The following IHO1 variants were observed in gnomAD, a reference collection of about 807,000 sequenced individuals.
The protein encoded by IHO1 is interactor of HORMAD1 protein 1.
In IHO1, 13 loss-of-function variants were observed where a neutral mutation model predicts 31.0. The ratio of observed to expected loss-of-function variants is 0.42; its 90% CI spans 0.27 to 0.67. The LOEUF (loss-of-function observed/expected upper bound fraction) is 0.67, where lower values mean the gene tolerates loss of function less well. IHO1 is among the 30% of genes least tolerant of loss of function. The probability of loss-of-function intolerance (pLI) is 0.24; values close to 1 mark genes in which losing one functional copy is unlikely to be tolerated. For missense variants in IHO1, 599 were observed against 687.5 expected (o/e 0.87, Z 1.44); for synonymous variants, 221 against 248.4 (o/e 0.89, Z 1.04).
chr3:49,228,311 C>T (rs67286839), intron 2 of IHO1: 40,506 of 447,656 alleles, frequency 0.09, 2,097 homozygotes, highest in Middle Eastern at 0.11. Flanking sequence ...TGGTTCCAGG[C>T]AAACCAATGC....
intron 1 of IHO1, among the ~76,000 whole-genome samples, chr3:49,205,254 C>T (rs1009598121): frequency 6.6e-6 from 1 of 151,864 alleles, no homozygotes; most frequent in East Asian, 1.9e-4. Context: ...ACTGTCATAG[C>T]GCTGGTTGGA....
Position 49,227,583 on chromosome 3 carries a change from G to T in IHO1, c.57-8965G>T, listed in dbSNP as rs1426209763. On this transcript the variant is annotated intron_variant, in intron 2 of 7. Transcript: ENST00000452691. ...CACATTCTCGAAAACCTGCACCCTT[G>T]CCTGTCTTCCTAGATCACAAAGCGG... is the stretch of plus-strand genomic sequence containing the variant. Among the ~76,000 whole-genome samples, 6 of 152,188 alleles carry T rather than the reference G, an allele frequency of 3.9e-5. 1 individual carries two copies. The South Asian group carries it at 1.2e-3, about 32-fold the overall frequency.
chr3:49,234,162 GTTTTTTTTTT>G (rs56802492), intron 2 of IHO1, among the ~76,000 whole-genome samples: 1 of 91,916 alleles, frequency 1.1e-5, no homozygotes, highest in South Asian at 4.3e-4. Flanking sequence ...TTTTGTTGTT[GTTTTTTTTTT>G]TTTTTTTTTT....
rs2046674113 is a variant in IHO1 at position 49,244,714 on chromosome 3, G to A, written c.513G>A (p.Leu171=). 3 of 1,613,974 alleles carry A rather than the reference G, an allele frequency of 1.9e-6. No homozygotes were observed. Among genetic ancestry groups the A allele is most frequent in the Non-Finnish European group, 2.5e-6 (3 of 1,180,012 alleles). ...GAAGCCAATCTATTTTGGATTCTTT[G>A]GAGACTGTGGCCAAGACATGTGAGT... The part of the protein sequence containing the change: ...SSRSQSILDS[L]ETVAKTLQET... The change falls in exon 6 of 8, where the codon TTG becomes TTA. Residue 171 remains leucine, a synonymous_variant. Transcript: ENST00000452691.
At chr3:49,227,785 A>C (rs1172911810) in intron 2 of IHO1, among the ~76,000 whole-genome samples, 3 of 152,204 alleles carry the variant, frequency 2.0e-5, no homozygotes, top group African/African-American at 7.2e-5. Context: ...GGGTTGGTAG[A>C]GTGACACCTT....
In IHO1 at chr3:49,256,023, A is replaced by G; in HGVS notation, c.637-111A>G. 1.1e-6 allele frequency: 1 copy of G among 947,386 alleles called. No individual in the cohort carries two copies. Among genetic ancestry groups the G allele is most frequent in the Non-Finnish European group, 1.6e-6 (1 of 625,610 alleles). 58.7% of individuals were successfully genotyped at this position (947,386 alleles called of 1,614,324 possible). A position where few individuals can be genotyped will look rare whatever the true frequency, so the allele number is the denominator to read the frequency against. ...GTGCTTACCCTGAGAGGTTCCCTAC[A>G]AGGAGCAAGCCTTGGTTCTGCTGTC... On this transcript the variant is annotated intron_variant, in intron 7 of 7. Coordinates refer to ENST00000452691, the MANE Select transcript of IHO1 (RefSeq NM_001135197.2). The surrounding 1 kb of genome is among the most constrained non-coding windows in gnomAD (Gnocchi z 4.6).
rs372304968 is a variant in IHO1, at chr3:49,256,806, C to T, written c.1309C>T (p.Arg437Trp). Residue 437 changes from arginine (R) to tryptophan (W), a missense_variant, in exon 8 of 8, where the codon CGG becomes TGG. Transcript: ENST00000452691. This position sits in a 1 kb window ranked among gnomAD's most constrained non-coding sequence, Gnocchi z 4.6. ...IKQKDGTVEMRGKDKKQQPRK... is the reference protein window; with the variant it reads ...IKQKDGTVEMWGKDKKQQPRK... The stretch of plus-strand genomic sequence containing the variant: ...ACAGAAAGATGGGACTGTAGAAATG[C>T]GGGGGAAAGACAAGAAGCAGCAGCC... The T allele has an allele frequency of 4.3e-5, 70 of 1,614,030 alleles. No individual in the cohort carries two copies. Among genetic ancestry groups the T allele is most frequent in the Middle Eastern group, 1.6e-4 (1 of 6,084 alleles).
chr3:49,201,337 G>C (rs1364279951), intron 1 of IHO1, among the ~76,000 whole-genome samples: 1 of 151,868 alleles, frequency 6.6e-6, no homozygotes, highest in Admixed American at 6.6e-5. Flanking sequence ...GCTGTGCGCG[G>C]TGGCTCATGC....
At chr3:49,204,241 A>G (rs561380706) in intron 1 of IHO1, among the ~76,000 whole-genome samples, 14 of 152,268 alleles carry the variant, frequency 9.2e-5, no homozygotes, top group Admixed American at 2.0e-4. Context: ...AAATTTCAAC[A>G]TAAGTTTTTG....
chr3:49,199,060 G>A (rs372361159), upstream of IHO1: 19 of 152,620 alleles, frequency 1.2e-4, no homozygotes, highest in East Asian at 2.5e-3. Flanking sequence ...TGGGGACCAG[G>A]GCCTCCTTGT....
the IHO1 span, among the ~76,000 whole-genome samples, chr3:49,192,602 A>G: frequency 6.6e-6 from 1 of 152,186 alleles, no homozygotes; most frequent in African/African-American, 2.4e-5. Context: ...CACAGGTATT[A>G]AAAGGTTCAT....
At chr3:49,247,703 C>T (rs1575586793) in intron 6 of IHO1, among the ~76,000 whole-genome samples, 1 of 151,850 alleles carries the variant, frequency 6.6e-6, no homozygotes, top group Non-Finnish European at 1.5e-5. Context: ...GTGGGAGGAT[C>T]GCTTGAGTCT....
At chr3:49,196,122 C>A (rs904787603), upstream of IHO1, among the ~76,000 whole-genome samples, 1 of 150,174 alleles carries the variant, frequency 6.7e-6, no homozygotes, top group Non-Finnish European at 1.5e-5. Context: ...CCTGTAGTCC[C>A]AGCTACTCAG....
intron 3 of IHO1, among the ~76,000 whole-genome samples, chr3:49,238,880 G>GA (rs1258460201): frequency 1.3e-5 from 2 of 152,186 alleles, no homozygotes; most frequent in African/African-American, 2.4e-5. Flanking sequence ...AATGGGAGGA[G>GA]AGGGGACTCT....
chr3:49,215,298 G>A (rs779048046), intron 2 of IHO1, among the ~76,000 whole-genome samples: 4 of 152,038 alleles, frequency 2.6e-5, no homozygotes, highest in East Asian at 1.9e-4. Flanking sequence ...TAATCCAACC[G>A]CCTCAGCCTC....
chr3:49,213,303 T>C (rs1575568131), intron 2 of IHO1, among the ~76,000 whole-genome samples: 1 of 151,964 alleles, frequency 6.6e-6, no homozygotes, highest in African/African-American at 2.4e-5. Flanking sequence ...ATTCCTTAGC[T>C]AGACATAAAG....
In IHO1 at chr3:49,256,292, A is replaced by G; in HGVS notation, c.795A>G (p.Pro265=). The part of the protein sequence containing the change: ...AELKRLISVP[P]VKDSASQTSP... ...TGAAGAGATTGATCTCAGTGCCTCC[A>G]GTGAAAGACAGTGCTTCTCAGACGT... The change falls in exon 8 of 8, where the codon CCA becomes CCG. Residue 265 remains proline (P), a synonymous_variant. Transcript: ENST00000452691. The surrounding 1 kb of genome is among the most constrained non-coding windows in gnomAD (Gnocchi z 4.6). 1.9e-6 allele frequency: 3 copies of G among 1,614,194 alleles called. No homozygotes were observed. Among genetic ancestry groups the G allele is most frequent in the Non-Finnish European group, 2.5e-6 (3 of 1,180,048 alleles).
chr3:49,228,641 T>C (rs2046444817), intron 2 of IHO1, among the ~76,000 whole-genome samples: 1 of 152,170 alleles, frequency 6.6e-6, no homozygotes, highest in Non-Finnish European at 1.5e-5. Context: ...AAAGATGGTA[T>C]GTCCGGAGTT....
intron 6 of IHO1, among the ~76,000 whole-genome samples, chr3:49,247,621 T>C (rs2046710471): frequency 7.3e-5 from 11 of 150,826 alleles, no homozygotes. Context: ...AGACTTTGTG[T>C]CTACAAAAAA....
Sources: gnomAD v4.1 joint callset for allele counts (sites outside exome capture counted in the v4.1 genomes callset) on GRCh38, gnomAD v4.1.1 for gene constraint, Gnocchi (gnomAD v3.1) non-coding constraint, MANE v1.5 for transcripts, NCBI Gene and HGNC (gene_info 2026-07-23, HGNC 2026-07-21) for gene names.